ARAF: variants seen among roughly 807,000 people sequenced by gnomAD.
ARAF encodes A-Raf proto-oncogene, serine/threonine kinase.
In ARAF, 18 loss-of-function variants were observed where a neutral mutation model predicts 48.0. That is an observed-to-expected ratio of 0.37 (90% CI 0.26 to 0.56). The LOEUF is 0.56. ARAF is among the 20% of genes least tolerant of loss of function. ARAF has a pLI of 0.77. For missense variants in ARAF, 389 were observed against 543.1 expected (o/e 0.72, Z 2.82); for synonymous variants, 207 against 220.1 (o/e 0.94, Z 0.53).
intron 1 of ARAF, among the ~76,000 whole-genome samples, chrX:47,561,528 C>T (rs1246102920): frequency 1.8e-5 from 2 of 111,738 alleles, no homozygotes; most frequent in African/African-American, 6.5e-5. Flanking sequence ...AGGCGGGACC[C>T]GACCGAGTGG....
chrX:47,569,434 C>G lies in ARAF; in HGVS notation c.1301-105C>G, dbSNP rs139796547. ...TGCGTGATATTAAGGGGCTCCTGGTCAGGATCAGAGGGATGAGTGGTATAG... is the reference window on the plus strand; with the variant it reads ...TGCGTGATATTAAGGGGCTCCTGGTGAGGATCAGAGGGATGAGTGGTATAG... On this transcript the variant is annotated intron_variant, in intron 12 of 15. Coordinates refer to ENST00000377045, the MANE Select transcript of ARAF (RefSeq NM_001654.5). 1.5e-4 allele frequency: 97 copies of G among 656,792 alleles called. No homozygotes were observed. In the African/African-American group the frequency reaches 1.8e-3, roughly 13 times the overall value. The allele number at this position is 656,792 out of a possible 1,213,427, so 54.1% of individuals were successfully genotyped here. A position where few individuals can be genotyped will look rare whatever the true frequency, so the allele number is the denominator to read the frequency against.
intron 14 of ARAF, among the ~76,000 whole-genome samples, chrX:47,570,491 G>A (rs2147909361): frequency 9.1e-6 from 1 of 110,418 alleles, no homozygotes; most frequent in South Asian, 3.9e-4. Flanking sequence ...CTAGGCCTTG[G>A]GTATCTAGCA....
Position 47,570,867 on chromosome X carries a change from T to G in ARAF, c.1552-11T>G. 5.8e-6 allele frequency: 7 copies of G among 1,200,358 alleles called. No homozygotes were observed. Among genetic ancestry groups the G allele is most frequent in the Non-Finnish European group, 7.9e-6 (7 of 887,811 alleles). On this transcript the variant is annotated splice_polypyrimidine_tract_variant and intron_variant, in intron 14 of 15. Coordinates refer to ENST00000377045, the MANE Select transcript of ARAF (RefSeq NM_001654.5). ...CCAGATCACCCCTTTCCTGCCCCCGTCTGCCCCCAGATTATCTTTATGGTG... is the reference window on the plus strand; with the variant it reads ...CCAGATCACCCCTTTCCTGCCCCCGGCTGCCCCCAGATTATCTTTATGGTG...
chrX:47,562,485 GAAA>G (rs34574198), intron 1 of ARAF, among the ~76,000 whole-genome samples: 1 of 59,065 alleles, frequency 1.7e-5, no homozygotes, highest in Admixed American at 2.0e-4. Context: ...AACTCTGTCA[GAAA>G]AAAAAAAAAA....
At chrX:47,561,511 C>T (rs1187043485) in intron 1 of ARAF, among the ~76,000 whole-genome samples, 1 of 112,042 alleles carries the variant, frequency 8.9e-6, no homozygotes, top group Admixed American at 9.4e-5. Context: ...GCCGGAAGCC[C>T]TTTGGTAGGC....
chrX:47,569,785 C>T (rs1209463935), intron 13 of ARAF, 108 bp from the exon 14 acceptor site: 20 of 1,108,990 alleles, frequency 1.8e-5, no homozygotes, highest in African/African-American at 3.6e-5. Context: ...TGTCCCACCT[C>T]GTGTGGGTGG....
intron 6 of ARAF, chrX:47,565,803 T>C (rs1364880257): frequency 7.0e-6 from 1 of 141,873 alleles, no homozygotes; most frequent in Non-Finnish European, 1.2e-5. Flanking sequence ...AAATATTATA[T>C]AAAACTATAG....
chrX:47,561,909 T>C (rs1307114150), intron 1 of ARAF, among the ~76,000 whole-genome samples: 4 of 105,907 alleles, frequency 3.8e-5, no homozygotes, highest in Non-Finnish European at 5.8e-5. Flanking sequence ...TTTCCACCCT[T>C]CTCCCCATTA....
In ARAF at chrX:47,563,219, C is replaced by T. The variant is rs766226234; in HGVS notation, c.97-7C>T. 27 of 1,205,059 alleles carry T rather than the reference C, an allele frequency of 2.2e-5. No individual in the cohort carries two copies. In the Admixed American group the frequency reaches 5.9e-4, roughly 26 times the overall value. On this transcript the variant is annotated splice_polypyrimidine_tract_variant and splice_region_variant and intron_variant, in intron 2 of 15. Transcript: ENST00000377045. ...TTGAGGACCCCTACATCTGCACATA[C>T]ACACAGGTGACTGTCCGGGATGGCA...
In ARAF at chrX:47,569,542, T is replaced by A; in HGVS notation, c.1304T>A (p.Ile435Asn). ...TAGTGGTCCTTGACCCTGGCGGACA[T>A]CTTCCTACATGAGGGGCTCACGGTG... ...IIHRDLKSNN[I>N]FLHEGLTVKI... is the part of the protein sequence containing the mutation. The change falls in exon 13 of 16, where the codon ATC (isoleucine) becomes AAC (asparagine). Residue 435 changes from isoleucine to asparagine, a missense_variant. This residue lies in a region of ARAF where 170 missense variants were observed against 281.4 expected (regional missense o/e 0.60). Transcript: ENST00000377045. The A allele has an allele frequency of 8.3e-7, 1 of 1,206,521 alleles. No homozygotes were observed. Among genetic ancestry groups the A allele is most frequent in the African/African-American group, 1.7e-5 (1 of 57,701 alleles).
rs184861193 is a variant in ARAF, at chrX:47,565,302, C to T, written c.509C>T (p.Ala170Val). The T allele has an allele frequency of 4.5e-5, 55 of 1,210,086 alleles. No homozygotes were observed. The East Asian group carries it at 1.6e-3, about 35-fold the overall frequency. Residue 170 changes from alanine to valine, a missense_variant, in exon 6 of 16, where the codon GCT becomes GTT. Ala to Val is a moderately conservative substitution (Grantham distance 64). This residue lies in a region of ARAF where 154 missense variants were observed against 133.6 expected (regional missense o/e 1.15). Coordinates refer to ENST00000377045, the MANE Select transcript of ARAF (RefSeq NM_001654.5). ...TCCGGAGGCTCCAGACAGCATGAGGCTCCCTCGAACCGCCCCCTGAATGAG... is the reference window on the plus strand; with the variant it reads ...TCCGGAGGCTCCAGACAGCATGAGGTTCCCTCGAACCGCCCCCTGAATGAG... The part of the protein sequence containing the change: ...DLSGGSRQHE[A>V]PSNRPLNELL...
chrX:47,561,629 G>A (rs1252093829), intron 1 of ARAF, among the ~76,000 whole-genome samples: 1 of 109,776 alleles, frequency 9.1e-6, no homozygotes, highest in East Asian at 2.9e-4. Context: ...TTCACTCCCC[G>A]GTTTCCTTAT....
intron 14 of ARAF, 186 bp downstream of exon 14, chrX:47,570,210 T>C: frequency 2.1e-6 from 1 of 480,242 alleles, no homozygotes; most frequent in Non-Finnish European, 3.3e-6. Context: ...GGGTCTCCCC[T>C]ACCCCAACTT....
chrX:47,569,695 C>T lies in ARAF; in HGVS notation c.1419+38C>T, dbSNP rs764585247. ...AGGCTGGATGGGGGGCACATGGGGA[C>T]GTGGGCTCCGGGATTGGGGTGTGTG... is the stretch of plus-strand genomic sequence containing the variant. On this transcript the variant is annotated intron_variant, in intron 13 of 15. Transcript: ENST00000377045. 1.0e-5 allele frequency: 12 copies of T among 1,162,479 alleles called. No individual in the cohort carries two copies. In the South Asian group the frequency reaches 1.1e-4, roughly 11 times the overall value.
At position 47,567,350 on chromosome X, in the gene ARAF, G is replaced by A. The variant is rs774324085; in HGVS notation, c.994G>A (p.Asp332Asn). ...CGTGTTTCGAGGGCGGTGGCATGGC[G>A]ATGTGGCCGTGAAGGTGCTCAAGGT... ...GTVFRGRWHG[D>N]VAVKVLKVSQ... Residue 332 changes from aspartate (D) to asparagine (N), a missense_variant, in exon 10 of 16, where the codon GAT becomes AAT. This residue lies in a region of ARAF where 170 missense variants were observed against 281.4 expected (regional missense o/e 0.60). Transcript: ENST00000377045. The A allele has an allele frequency of 5.8e-6, 7 of 1,210,890 alleles. No homozygotes were observed. The highest frequency in any genetic ancestry group is 3.0e-5 in the East Asian group (1 of 33,815).
In ARAF at chrX:47,571,361, C is replaced by T. The variant is rs772172490; in HGVS notation, c.1725C>T (p.Pro575=). The change falls in exon 16 of 16, where the codon CCC becomes CCT. Residue 575 remains proline, a synonymous_variant. Coordinates refer to ENST00000377045, the MANE Select transcript of ARAF (RefSeq NM_001654.5). ...ATIELLQRSL[P]KIERSASEPS... The stretch of plus-strand genomic sequence containing the variant: ...TTGAGCTGCTGCAACGGTCACTCCC[C>T]AAGATTGAGCGGAGTGCCTCGGAAC... 7.4e-6 allele frequency: 9 copies of T among 1,208,930 alleles called. No individual in the cohort carries two copies. The highest frequency in any genetic ancestry group is 2.2e-5 in the Admixed American group (1 of 45,718).
At chrX:47,564,676 A>T in intron 3 of ARAF, 121 bp from the exon 4 acceptor site, 1 of 531,681 alleles carries the variant, frequency 1.9e-6, no homozygotes, top group African/African-American at 2.3e-5. Flanking sequence ...TGCTGTGATG[A>T]GAATTAAACA....
chrX:47,567,535 GTGT>G, intron 10 of ARAF, 103 bp downstream of exon 10: 1 of 919,511 alleles, frequency 1.1e-6, no homozygotes, highest in South Asian at 2.3e-5. Flanking sequence ...ACCTGTGTTT[GTGT>G]TGTTAAACCA....
intron 1 of ARAF, among the ~76,000 whole-genome samples, chrX:47,562,246 G>A (rs1280949039): frequency 9.1e-6 from 1 of 110,374 alleles, no homozygotes; most frequent in Non-Finnish European, 1.9e-5. Flanking sequence ...CACTTTGGGA[G>A]GCTGAGGCGG....
Sources: allele counts gnomAD v4.1 joint callset (sites outside exome capture counted in the v4.1 genomes callset), GRCh38; gene constraint gnomAD v4.1.1; regional missense constraint gnomAD v4.1.1; transcripts MANE v1.5; gene names NCBI Gene and HGNC (gene_info 2026-07-23, HGNC 2026-07-21).